Variants in CCDC6 observed in about 807,000 individuals in gnomAD.
CCDC6 encodes the protein coiled-coil domain-containing protein 6.
A neutral mutation model predicts 56.6 loss-of-function variants in CCDC6; 20 were observed. The ratio of observed to expected loss-of-function variants is 0.35; its 90% CI spans 0.25 to 0.51. The LOEUF (loss-of-function observed/expected upper bound fraction) is 0.51, where lower values mean the gene tolerates loss of function less well. Among genes scored for constraint, CCDC6 ranks in the 20% least tolerant of loss-of-function variants. The probability of loss-of-function intolerance (pLI) is 0.95; values close to 1 mark genes in which losing one functional copy is unlikely to be tolerated. For synonymous variants in CCDC6, 241 were observed against 234.4 expected (o/e 1.03, Z -0.26); for missense variants, 367 against 601.1 (o/e 0.61, Z 4.07).
At chr10:59,878,595 A>G (rs1398746362) in intron 1 of CCDC6, among the ~76,000 whole-genome samples, 2 of 152,238 alleles carry the variant, frequency 1.3e-5, no homozygotes, top group South Asian at 4.1e-4. Flanking sequence ...AGACAAGAAA[A>G]TTAGAAAAGT....
At chr10:59,892,382 A>G (rs2071428698) in intron 1 of CCDC6, among the ~76,000 whole-genome samples, 1 of 152,116 alleles carries the variant, frequency 6.6e-6, no homozygotes, top group East Asian at 1.9e-4. Flanking sequence ...AGACTGGTAT[A>G]ATCCTGGCTC....
At chr10:59,825,278 TA>T (rs1389134105) in intron 3 of CCDC6, among the ~76,000 whole-genome samples, 2 of 152,222 alleles carry the variant, frequency 1.3e-5, no homozygotes, top group Non-Finnish European at 2.9e-5. Context: ...TGGTAGTGAA[TA>T]AGTCTCACGA....
intron 1 of CCDC6, among the ~76,000 whole-genome samples, chr10:59,890,016 C>G (rs1336222713): frequency 6.6e-6 from 1 of 152,110 alleles, no homozygotes; most frequent in Non-Finnish European, 1.5e-5. Flanking sequence ...GAGCCAAACC[C>G]CTCACCTGGG....
At position 59,898,191 on chromosome 10, in the gene CCDC6, G is replaced by GA. The variant is rs563117156; in HGVS notation, c.303+7930dup. Reference sequence around the variant, plus strand: ...TCCATGAAAGAAACAGGAATAGAGGGAAAAAAACCACCTAGATAATTTCCA... The same window carrying GA: ...TCCATGAAAGAAACAGGAATAGAGGGAAAAAAAACCACCTAGATAATTTCCA... On this transcript the variant is annotated intron_variant, in intron 1 of 8. Coordinates refer to ENST00000263102, the MANE Select transcript of CCDC6 (RefSeq NM_005436.5). Among the ~76,000 whole-genome samples the GA allele has an allele frequency of 6.6e-4, 101 of 151,988 alleles. No homozygotes were observed. In the Middle Eastern group the frequency reaches 0.01, roughly 15 times the overall value.
chr10:59,891,582 C>T (rs1306273989), intron 1 of CCDC6, among the ~76,000 whole-genome samples: 1 of 152,106 alleles, frequency 6.6e-6, no homozygotes. Flanking sequence ...GAACCAACCA[C>T]GGAAGGGATG....
intron 1 of CCDC6, among the ~76,000 whole-genome samples, chr10:59,873,496 C>G (rs1216852326): frequency 6.6e-6 from 1 of 152,072 alleles, no homozygotes; most frequent in Non-Finnish European, 1.5e-5. Context: ...ACAACCCTTA[C>G]CAACACCTTG....
At chr10:59,872,779 T>TTC (rs879391093) in intron 1 of CCDC6, among the ~76,000 whole-genome samples, 2 of 57,196 alleles carry the variant, frequency 3.5e-5, no homozygotes, top group South Asian at 5.2e-4. Context: ...ACTTTCCAGA[T>TTC]GGGGGGGTGG....
chr10:59,906,420 G>A lies in CCDC6; in HGVS notation c.5C>T (p.Ala2Val). Reference sequence around the variant, plus strand: ...CGTGTCGCTCTCGCTGGCGCTGTCCGCCATGGCCGCGGCGGGCTGGGGAAA... The same window carrying A: ...CGTGTCGCTCTCGCTGGCGCTGTCCACCATGGCCGCGGCGGGCTGGGGAAA... M[A>V]DSASESDTDG... Residue 2 changes from alanine (A) to valine (V), a missense_variant, in exon 1 of 9, where the codon GCG becomes GTG. Around this residue, in one of 7 missense-constraint regions of CCDC6, gnomAD observed 79 missense variants for 74.9 expected, o/e 1.05. Coordinates refer to ENST00000263102, the MANE Select transcript of CCDC6 (RefSeq NM_005436.5). The A allele has an allele frequency of 2.0e-6, 3 of 1,523,488 alleles. No individual in the cohort carries two copies. The highest frequency in any genetic ancestry group is 2.6e-6 in the Non-Finnish European group (3 of 1,150,946). The allele number at this position is 1,523,488 out of a possible 1,614,324, so 94.4% of individuals were successfully genotyped here. A position where few individuals can be genotyped will look rare whatever the true frequency, so the allele number is the denominator to read the frequency against.
At chr10:59,827,846 A>C (rs1792414976) in intron 3 of CCDC6, among the ~76,000 whole-genome samples, 1 of 152,216 alleles carries the variant, frequency 6.6e-6, no homozygotes, top group Admixed American at 6.5e-5. Context: ...TACACCATGT[A>C]AGTGTTAGCT....
intron 3 of CCDC6, among the ~76,000 whole-genome samples, chr10:59,829,805 A>T (rs1165754832): frequency 6.6e-6 from 1 of 152,224 alleles, no homozygotes; most frequent in East Asian, 1.9e-4. Flanking sequence ...AGTTCACAAC[A>T]ATGTCCTAAA....
At chr10:59,855,641 C>T (rs370754570) in intron 1 of CCDC6, among the ~76,000 whole-genome samples, 1 of 152,100 alleles carries the variant, frequency 6.6e-6, no homozygotes, top group African/African-American at 2.4e-5. Context: ...CATGGCTACA[C>T]GGATTCTTTT....
chr10:59,890,802 T>C (rs1026313666), intron 1 of CCDC6, among the ~76,000 whole-genome samples: 1 of 152,214 alleles, frequency 6.6e-6, no homozygotes, highest in South Asian at 2.1e-4. Flanking sequence ...TGCATATGTA[T>C]ACATGTGCCA....
chr10:59,876,559 C>T (rs879186540), intron 1 of CCDC6, among the ~76,000 whole-genome samples: 1 of 144,776 alleles, frequency 6.9e-6, no homozygotes, highest in African/African-American at 2.6e-5. Context: ...AGATAGCTGC[C>T]GTGTTATATA....
chr10:59,871,520 C>T (rs1407435184), intron 1 of CCDC6, among the ~76,000 whole-genome samples: 2 of 150,922 alleles, frequency 1.3e-5, no homozygotes, highest in Non-Finnish European at 2.9e-5. Context: ...TGCCCAGACC[C>T]TTGCCCTGAC....
intron 1 of CCDC6, among the ~76,000 whole-genome samples, chr10:59,902,174 T>G (rs1317374609): frequency 6.6e-6 from 1 of 152,134 alleles, no homozygotes; most frequent in Non-Finnish European, 1.5e-5. Context: ...ATACAGATAC[T>G]GAGAACACAG....
At chr10:59,822,443 C>T (rs766779665) in intron 3 of CCDC6, among the ~76,000 whole-genome samples, 5 of 152,078 alleles carry the variant, frequency 3.3e-5, no homozygotes, top group Non-Finnish European at 5.9e-5. Context: ...TTCTTTTAAC[C>T]GATAATTGCC....
intron 2 of CCDC6, among the ~76,000 whole-genome samples, chr10:59,847,512 G>A (rs1057320742): frequency 6.6e-6 from 1 of 152,110 alleles, no homozygotes; most frequent in African/African-American, 2.4e-5. Context: ...ACTTGCAAAT[G>A]AGCCTGACTC....
At chr10:59,825,940 G>A (rs1297451141) in intron 3 of CCDC6, among the ~76,000 whole-genome samples, 1 of 152,114 alleles carries the variant, frequency 6.6e-6, no homozygotes, top group Non-Finnish European at 1.5e-5. Context: ...TCTAAACCCT[G>A]GCCTCTGTGA....
intron 1 of CCDC6, among the ~76,000 whole-genome samples, chr10:59,892,305 A>G (rs1163970948): frequency 6.6e-6 from 1 of 152,162 alleles, no homozygotes; most frequent in Non-Finnish European, 1.5e-5. Flanking sequence ...ACCTATAGGG[A>G]AAAAAACCAG....
Sources: allele counts gnomAD v4.1 joint callset (sites outside exome capture counted in the v4.1 genomes callset), GRCh38; gene constraint gnomAD v4.1.1; regional missense constraint gnomAD v4.1.1; transcripts MANE v1.5; gene names NCBI Gene and HGNC (gene_info 2026-07-23, HGNC 2026-07-21).